Variants in BST1 observed in about 807,000 individuals in gnomAD.
BST1 encodes ADP-ribosyl cyclase/cyclic ADP-ribose hydrolase 2.
In BST1, 49 loss-of-function variants were observed where a neutral mutation model predicts 40.6. The observed-to-expected ratio is 1.21, with a 90% CI of 0.96 to 1.53. The LOEUF (loss-of-function observed/expected upper bound fraction) is 1.53, where lower values mean the gene tolerates loss of function less well. BST1 is among the 40% of genes most tolerant of loss of function. BST1 has a pLI of 0.00. For synonymous variants in BST1, 157 were observed against 159.3 expected, an observed-to-expected ratio of 0.99 and a Z score of 0.11; for missense variants, 423 against 395.9, an observed-to-expected ratio of 1.07 and a Z score of -0.58.
intron 1 of BST1, among the ~76,000 whole-genome samples, chr4:15,704,620 A>G (rs553613389): frequency 1.1e-4 from 16 of 151,582 alleles, no homozygotes; most frequent in Non-Finnish European, 2.2e-4. Context: ...GAGGGTGGAG[A>G]GGTATCCCTC....
chr4:15,707,955 A>G (rs910418600), intron 3 of BST1, among the ~76,000 whole-genome samples: 1 of 151,774 alleles, frequency 6.6e-6, no homozygotes, highest in Non-Finnish European at 1.5e-5. Flanking sequence ...GATGCCCACA[A>G]CAACCTCATG....
chr4:15,713,284 C>T (rs1041830357), intron 4 of BST1, among the ~76,000 whole-genome samples: 5 of 136,070 alleles, frequency 3.7e-5, no homozygotes, highest in East Asian at 2.3e-4. Context: ...CTCCCGAGTT[C>T]AAGTGATTCT....
chr4:15,748,991 G>C, the BST1 span, among the ~76,000 whole-genome samples: 1 of 152,184 alleles, frequency 6.6e-6, no homozygotes, highest in Non-Finnish European at 1.5e-5. Flanking sequence ...GCCCATAAAG[G>C]ACACATTACC....
At chr4:15,738,885 C>T (rs1291091387), downstream of BST1, among the ~76,000 whole-genome samples, 2 of 152,202 alleles carry the variant, frequency 1.3e-5, no homozygotes, top group Non-Finnish European at 2.9e-5. Flanking sequence ...ATCCCAGTTC[C>T]ACTAACCTGA....
At chr4:15,715,947 G>A (rs1720493114) in intron 6 of BST1, 148 bp downstream of exon 6, 1 of 567,404 alleles carries the variant, frequency 1.8e-6, no homozygotes, top group African/African-American at 2.0e-5. Context: ...ACAAAAGCTT[G>A]ACTTTCTGGG....
intron 1 of BST1, among the ~76,000 whole-genome samples, chr4:15,703,944 G>A (rs374409381): frequency 3.4e-5 from 5 of 148,308 alleles, no homozygotes; most frequent in African/African-American, 1.2e-4. Flanking sequence ...GAGGTGAGGG[G>A]TGTGTGTGTT....
the BST1 span, among the ~76,000 whole-genome samples, chr4:15,754,876 T>C: frequency 6.6e-6 from 1 of 152,162 alleles, no homozygotes; most frequent in African/African-American, 2.4e-5. Flanking sequence ...TGTAGATCTG[T>C]CTAGGGTTTC....
In BST1 at chr4:15,711,816, A is replaced by G; in HGVS notation, c.461A>G (p.Tyr154Cys). 6.2e-7 allele frequency: 1 copy of G among 1,613,652 alleles called. No individual in the cohort carries two copies. The highest frequency in any genetic ancestry group is 8.5e-7 in the Non-Finnish European group (1 of 1,179,578). ...TCTACTTACCCCTTAGGACTCGATT[A>G]CCAATCCTGCCCTACATCAGAAGAC... The part of the protein sequence containing the change: ...CRQKNDSGLD[Y>C]QSCPTSEDCE... The change falls in exon 4 of 9, where the codon TAC becomes TGC. Residue 154 changes from tyrosine to cysteine, a missense_variant. Coordinates refer to ENST00000265016, the MANE Select transcript of BST1 (RefSeq NM_004334.3).
At chr4:15,705,001 T>C (rs778265408) in intron 1 of BST1, 4 of 758,352 alleles carry the variant, frequency 5.3e-6, no homozygotes, top group Non-Finnish European at 9.8e-6. Context: ...ATGGGAAATA[T>C]TTTTTGAAAA....
downstream of BST1, among the ~76,000 whole-genome samples, chr4:15,740,924 T>C (rs1721726732): frequency 6.6e-6 from 1 of 151,526 alleles, no homozygotes; most frequent in South Asian, 2.1e-4. Context: ...CTGTCGCAAC[T>C]ACTCAACTCC....
intron 7 of BST1, 124 bp downstream of exon 7, chr4:15,719,117 T>G (rs1720668488): frequency 1.3e-6 from 1 of 795,224 alleles, no homozygotes; most frequent in Non-Finnish European, 1.9e-6. Flanking sequence ...GGGTGGCTTC[T>G]CGGTGTGGAG....
intron 8 of BST1, among the ~76,000 whole-genome samples, chr4:15,725,640 T>G (rs1721054706): frequency 6.6e-6 from 1 of 152,220 alleles, no homozygotes; most frequent in Non-Finnish European, 1.5e-5. Flanking sequence ...TCATCTGGAA[T>G]GTTTATTTCA....
intron 3 of BST1, among the ~76,000 whole-genome samples, 188 bp downstream of exon 3, chr4:15,707,834 A>ACTCTCTCTCTCT (rs146353876): frequency 1.3e-3 from 137 of 107,012 alleles, no homozygotes; most frequent in African/African-American, 2.8e-3. Context: ...CAGTCTAAGC[A>ACTCTCTCTCTCT]CTCTCTCTCT....
At chr4:15,707,917 A>C (rs528286885) in intron 3 of BST1, among the ~76,000 whole-genome samples, 1 of 150,560 alleles carries the variant, frequency 6.6e-6, no homozygotes. Flanking sequence ...ATACATATCT[A>C]TATCTATATA....
intron 2 of BST1, 152 bp downstream of exon 2, chr4:15,705,793 T>C: frequency 9.5e-7 from 1 of 1,048,628 alleles, no homozygotes; most frequent in South Asian, 1.5e-5. Context: ...GAGCTCTCTG[T>C]GGGAAGCTAG....
At chr4:15,718,210 G>T (rs368480989) in intron 6 of BST1, among the ~76,000 whole-genome samples, 2 of 152,098 alleles carry the variant, frequency 1.3e-5, no homozygotes, top group East Asian at 3.9e-4. Context: ...TTATGTAAGG[G>T]AGGCCATGCT....
At chr4:15,724,176 T>G (rs531519005) in intron 8 of BST1, among the ~76,000 whole-genome samples, 1 of 152,306 alleles carries the variant, frequency 6.6e-6, no homozygotes, top group East Asian at 1.9e-4. Context: ...TATCGTTCAT[T>G]CTGTACCATC....
chr4:15,716,115 C>T (rs181088253), intron 6 of BST1, among the ~76,000 whole-genome samples: 1 of 152,166 alleles, frequency 6.6e-6, no homozygotes, highest in African/African-American at 2.4e-5. Context: ...GTTTCTCCTT[C>T]TGGTCATTTG....
the BST1 span, among the ~76,000 whole-genome samples, chr4:15,748,009 C>T: frequency 6.6e-6 from 1 of 152,140 alleles, no homozygotes; most frequent in Non-Finnish European, 1.5e-5. Flanking sequence ...GCCTTCTTTT[C>T]TCCAGATTTC....
Sources: allele counts gnomAD v4.1 joint callset (sites outside exome capture counted in the v4.1 genomes callset), GRCh38; gene constraint gnomAD v4.1.1; transcripts MANE v1.5; gene names NCBI Gene and HGNC (gene_info 2026-07-23, HGNC 2026-07-21).